POLA1: variants seen among roughly 807,000 people sequenced by gnomAD.
POLA1 encodes the protein DNA polymerase alpha catalytic subunit.
POLA1 carries 15 observed loss-of-function variants against 124.0 expected under a neutral mutation model. The ratio of observed to expected loss-of-function variants is 0.12; its 90% CI spans 0.08 to 0.19. The LOEUF (loss-of-function observed/expected upper bound fraction) is 0.19, where lower values mean the gene tolerates loss of function less well. Ranked by LOEUF, POLA1 falls within the 10% of genes least tolerant of loss-of-function variation. The pLI, the probability that POLA1 is intolerant of heterozygous loss-of-function variation, is 1.00. For missense variants in POLA1, 886 were observed against 1,103.4 expected, an observed-to-expected ratio of 0.80 and a Z score of 2.79; for synonymous variants, 408 against 389.4, an observed-to-expected ratio of 1.05 and a Z score of -0.56.
intron 36 of POLA1, among the ~76,000 whole-genome samples, chrX:24,932,895 G>A (rs1368846572): frequency 9.0e-6 from 1 of 111,694 alleles, no homozygotes; most frequent in African/African-American, 3.3e-5. Flanking sequence ...AGTGGTATTA[G>A]GGTATTCATA....
intron 26 of POLA1, among the ~76,000 whole-genome samples, chrX:24,752,683 G>A (rs1932383363): frequency 8.9e-6 from 1 of 112,181 alleles, no homozygotes; most frequent in African/African-American, 3.2e-5. Flanking sequence ...AATTTAATGA[G>A]TTAAATCTGT....
intron 26 of POLA1, among the ~76,000 whole-genome samples, chrX:24,790,919 A>ATATATATATG (rs1555991320): frequency 2.9e-4 from 29 of 100,226 alleles, no homozygotes; most frequent in African/African-American, 1.1e-3. Flanking sequence ...ATGTATATAT[A>ATATATATATG]TATATATATA....
intron 35 of POLA1, among the ~76,000 whole-genome samples, chrX:24,889,098 G>A (rs1468310480): frequency 1.9e-4 from 21 of 110,598 alleles, no homozygotes; most frequent in African/African-American, 6.9e-4. Flanking sequence ...TCGGAGTCCT[G>A]GCCTCAGGTG....
intron 4 of POLA1, among the ~76,000 whole-genome samples, chrX:24,705,135 ACATACCATACAATTCAC>A (rs1928711930): frequency 9.0e-6 from 1 of 111,180 alleles, no homozygotes; most frequent in East Asian, 2.8e-4. Context: ...GATACAGTTC[ACATACCATACAATTCAC>A]ATATTTAAAG....
intron 26 of POLA1, among the ~76,000 whole-genome samples, chrX:24,760,261 T>C (rs1426344247): frequency 1.4e-4 from 16 of 111,558 alleles, no homozygotes; most frequent in Non-Finnish European, 3.0e-4. Context: ...GATAGATGGA[T>C]TGGAGAGAAA....
intron 26 of POLA1, among the ~76,000 whole-genome samples, chrX:24,786,197 A>G (rs373788604): frequency 1.1e-4 from 12 of 112,458 alleles, no homozygotes; most frequent in African/African-American, 3.9e-4. Context: ...AACCTCTTCA[A>G]GATAACTGAT....
At chrX:24,724,983 C>T (rs994444677) in intron 12 of POLA1, among the ~76,000 whole-genome samples, 1 of 110,945 alleles carries the variant, frequency 9.0e-6, no homozygotes, top group Non-Finnish European at 1.9e-5. Context: ...TAATAATGAT[C>T]GCAGGAAGGA....
intron 13 of POLA1, among the ~76,000 whole-genome samples, chrX:24,726,267 A>G (rs1930530702): frequency 8.9e-6 from 1 of 112,278 alleles, no homozygotes; most frequent in Non-Finnish European, 1.9e-5. Flanking sequence ...GCTTTTGAGT[A>G]TGCATCTTTA....
intron 36 of POLA1, among the ~76,000 whole-genome samples, chrX:24,980,625 A>C (rs1328886705): frequency 9.1e-6 from 1 of 110,357 alleles, no homozygotes; most frequent in Non-Finnish European, 1.9e-5. Flanking sequence ...ATCTAGTGTA[A>C]ACTAAAACAT....
At chrX:24,757,083 A>G (rs113468297) in intron 26 of POLA1, among the ~76,000 whole-genome samples, 4,929 of 111,536 alleles carry the variant, frequency 0.044, 293 homozygotes, top group African/African-American at 0.15. Flanking sequence ...TTTATGTTAA[A>G]AAAAAGCAAT....
intron 26 of POLA1, among the ~76,000 whole-genome samples, chrX:24,797,719 A>C (rs1349638888): frequency 9.0e-6 from 1 of 111,567 alleles, no homozygotes; most frequent in Non-Finnish European, 1.9e-5. Flanking sequence ...CCTATAATTC[A>C]TATCAAATTC....
intron 34 of POLA1, among the ~76,000 whole-genome samples, chrX:24,853,899 G>T (rs1360449502): frequency 1.8e-5 from 2 of 112,169 alleles, no homozygotes; most frequent in African/African-American, 6.5e-5. Context: ...ATAATAAAAG[G>T]ATATATATTT....
intron 35 of POLA1, among the ~76,000 whole-genome samples, chrX:24,897,662 T>A (rs1438598073): frequency 8.9e-6 from 1 of 112,104 alleles, no homozygotes; most frequent in African/African-American, 3.2e-5. Flanking sequence ...CCTAGACCAA[T>A]GCAGAGATGT....
chrX:24,937,302 C>G (rs1240884897), intron 36 of POLA1, among the ~76,000 whole-genome samples: 1 of 111,150 alleles, frequency 9.0e-6, no homozygotes, highest in Non-Finnish European at 1.9e-5. Context: ...AACTAGATAA[C>G]TTATGATTCT....
intron 32 of POLA1, among the ~76,000 whole-genome samples, chrX:24,832,445 G>A (rs1296323321): frequency 1.8e-5 from 2 of 112,020 alleles, no homozygotes; most frequent in African/African-American, 6.5e-5. Context: ...CATAAGCAGT[G>A]AGACCTTTGA....
intron 35 of POLA1, among the ~76,000 whole-genome samples, chrX:24,894,012 C>T (rs1053760552): frequency 3.6e-5 from 4 of 111,461 alleles, no homozygotes; most frequent in Admixed American, 2.9e-4. Flanking sequence ...GTTATGAGAG[C>T]CTCTTAGACA....
chrX:24,766,043 C>A (rs887748817), intron 26 of POLA1, among the ~76,000 whole-genome samples: 4 of 112,368 alleles, frequency 3.6e-5, no homozygotes, highest in Non-Finnish European at 7.5e-5. Flanking sequence ...CTTATTTGAA[C>A]TGCTGTATAG....
At chrX:24,982,475 C>T (rs2048432700) in intron 36 of POLA1, among the ~76,000 whole-genome samples, 1 of 109,195 alleles carries the variant, frequency 9.2e-6, no homozygotes, top group Admixed American at 9.9e-5. Context: ...TCTTCACCTC[C>T]CTGTTGAAAA....
chrX:24,926,926 G>C (rs1042201738), intron 35 of POLA1, among the ~76,000 whole-genome samples: 7 of 110,149 alleles, frequency 6.4e-5, no homozygotes, highest in Non-Finnish European at 1.1e-4. Flanking sequence ...CCACCTCCCA[G>C]GTTCAAGTGA....
Sources: gnomAD v4.1 joint callset for allele counts (sites outside exome capture counted in the v4.1 genomes callset) on GRCh38, gnomAD v4.1.1 for gene constraint, MANE v1.5 for transcripts, NCBI Gene and HGNC (gene_info 2026-07-23, HGNC 2026-07-21) for gene names.